The following UMAD1 variants were observed in gnomAD, a reference collection of about 807,000 sequenced individuals.
UMAD1 encodes the protein UBAP1-MVB12-associated (UMA) domain containing 1.
Under a neutral mutation model 6.1 loss-of-function variants are expected in UMAD1, and 8 were observed. The observed-to-expected ratio is 1.30, with a 90% CI of 0.76 to 2.35. The LOEUF (loss-of-function observed/expected upper bound fraction) is 2.35, where lower values mean the gene tolerates loss of function less well. UMAD1 is among the 30% of genes most tolerant of loss of function. The probability of loss-of-function intolerance (pLI) is 0.00; values close to 1 mark genes in which losing one functional copy is unlikely to be tolerated. For synonymous variants in UMAD1, 56 were observed against 31.4 expected (o/e 1.78, Z -2.61); for missense variants, 130 against 78.4 (o/e 1.66, Z -2.49).
intron 2 of UMAD1, among the ~76,000 whole-genome samples, chr7:7,714,059 C>A (rs949873267): frequency 6.6e-6 from 1 of 152,136 alleles, no homozygotes; most frequent in East Asian, 1.9e-4. Context: ...TTTAAGATTT[C>A]CAAAAATTGA....
intron 1 of UMAD1, among the ~76,000 whole-genome samples, chr7:7,653,330 G>A (rs1197774544): frequency 6.6e-6 from 1 of 152,144 alleles, no homozygotes; most frequent in African/African-American, 2.4e-5. Context: ...GACACTAAAG[G>A]CTGTAAATTG....
At chr7:7,867,448 A>G (rs543123382) in intron 3 of UMAD1, among the ~76,000 whole-genome samples, 1 of 152,332 alleles carries the variant, frequency 6.6e-6, no homozygotes, top group Non-Finnish European at 1.5e-5. Flanking sequence ...TGAGAAATAG[A>G]CAAAAAGAAT....
At chr7:7,745,404 C>T (rs1418193802) in intron 2 of UMAD1, among the ~76,000 whole-genome samples, 2 of 152,168 alleles carry the variant, frequency 1.3e-5, no homozygotes, top group African/African-American at 2.4e-5. Flanking sequence ...ACTCTGAACT[C>T]CTTACGGGGT....
chr7:7,675,599 C>T (rs955592959), intron 2 of UMAD1, among the ~76,000 whole-genome samples: 4 of 152,148 alleles, frequency 2.6e-5, no homozygotes, highest in South Asian at 4.1e-4. Flanking sequence ...TTCCAAATTT[C>T]GTATTTTAAG....
chr7:7,852,504 C>T (rs1489078287), intron 3 of UMAD1, among the ~76,000 whole-genome samples: 2 of 152,152 alleles, frequency 1.3e-5, no homozygotes, highest in African/African-American at 2.4e-5. Flanking sequence ...GTTGGGGTTC[C>T]CACAACCCTC....
chr7:7,740,455 T>A (rs577475938), intron 2 of UMAD1, among the ~76,000 whole-genome samples: 5 of 152,370 alleles, frequency 3.3e-5, no homozygotes, highest in South Asian at 4.1e-4. Context: ...ATGCTACTTT[T>A]TATGGTAAGA....
intron 2 of UMAD1, among the ~76,000 whole-genome samples, chr7:7,751,911 C>T (rs184593444): frequency 5.9e-5 from 9 of 152,288 alleles, no homozygotes; most frequent in Admixed American, 2.6e-4. Flanking sequence ...CATTTCCTCA[C>T]ACAGGATTGC....
intron 1 of UMAD1, among the ~76,000 whole-genome samples, chr7:7,671,389 C>T (rs1779601670): frequency 6.6e-6 from 1 of 152,162 alleles, no homozygotes; most frequent in Non-Finnish European, 1.5e-5. Flanking sequence ...ACCGTTTTAT[C>T]CCAAGAGAAA....
chr7:7,780,330 C>T (rs919729062), intron 2 of UMAD1, among the ~76,000 whole-genome samples: 1 of 152,208 alleles, frequency 6.6e-6, no homozygotes. Flanking sequence ...ACAGACTGTG[C>T]TCCCAGTGAC....
intron 2 of UMAD1, among the ~76,000 whole-genome samples, chr7:7,714,957 A>T (rs1780860175): frequency 6.6e-6 from 1 of 152,084 alleles, no homozygotes; most frequent in South Asian, 2.1e-4. Flanking sequence ...AACAACAACA[A>T]CAACAACAAA....
At chr7:7,850,365 A>G (rs1055067916) in intron 3 of UMAD1, among the ~76,000 whole-genome samples, 2 of 152,104 alleles carry the variant, frequency 1.3e-5, no homozygotes, top group African/African-American at 4.8e-5. Flanking sequence ...CATCCATTTA[A>G]AAAATACATG....
chr7:7,695,898 C>G (rs1780303080), intron 2 of UMAD1, among the ~76,000 whole-genome samples: 1 of 151,738 alleles, frequency 6.6e-6, no homozygotes, highest in South Asian at 2.1e-4. Context: ...AGTATCCAAC[C>G]ATGGCAGGAG....
chr7:7,694,310 A>G (rs1780253544), intron 2 of UMAD1, among the ~76,000 whole-genome samples: 3 of 152,198 alleles, frequency 2.0e-5, no homozygotes, highest in Non-Finnish European at 2.9e-5. Flanking sequence ...GCATACACAT[A>G]TAATAATCAC....
chr7:7,841,859 A>T (rs902185713), intron 3 of UMAD1, among the ~76,000 whole-genome samples: 1 of 152,144 alleles, frequency 6.6e-6, no homozygotes, highest in East Asian at 1.9e-4. Flanking sequence ...TTTGTTTCCA[A>T]TTGTCTTTGC....
intron 3 of UMAD1, among the ~76,000 whole-genome samples, chr7:7,856,764 A>G (rs1414295953): frequency 6.6e-6 from 1 of 152,232 alleles, no homozygotes; most frequent in Non-Finnish European, 1.5e-5. Flanking sequence ...CTAGGGGACA[A>G]TACAAAGCTC....
rs889965889 is a variant in UMAD1, at chr7:7,877,581, G to A, written c.*43G>A. 1.4e-5 allele frequency: 10 copies of A among 701,754 alleles called. No individual in the cohort carries two copies. Among genetic ancestry groups the A allele is most frequent in the East Asian group, 2.7e-5 (1 of 37,154 alleles). The allele number at this position is 701,754 out of a possible 1,614,324, so 43.5% of individuals were successfully genotyped here. A position where few individuals can be genotyped will look rare whatever the true frequency, so the allele number is the denominator to read the frequency against. On this transcript the variant is annotated 3_prime_UTR_variant, in exon 4 of 4. Transcript: ENST00000682710. ...ACCTTAACAGCTTTAAAATATGTTC[G>A]CCTATTTTATCTAACCTGTTTGATG... is the stretch of plus-strand genomic sequence containing the variant.
intron 2 of UMAD1, among the ~76,000 whole-genome samples, chr7:7,780,885 A>G (rs967428124): frequency 3.9e-5 from 6 of 152,182 alleles, no homozygotes; most frequent in Admixed American, 2.6e-4. Context: ...CCTATGTAAT[A>G]TTCCATTGTA....
At chr7:7,841,460 C>T (rs1365933215) in intron 3 of UMAD1, among the ~76,000 whole-genome samples, 2 of 151,884 alleles carry the variant, frequency 1.3e-5, no homozygotes, top group African/African-American at 2.4e-5. Flanking sequence ...CACACCTCCA[C>T]ACTCGGCTAA....
At chr7:7,652,316 C>T (rs1019904754) in intron 1 of UMAD1, among the ~76,000 whole-genome samples, 4 of 152,092 alleles carry the variant, frequency 2.6e-5, no homozygotes, top group Non-Finnish European at 5.9e-5. Context: ...TCATGCAGTT[C>T]GTGGAAGTTT....
Sources: allele counts gnomAD v4.1 joint callset (sites outside exome capture counted in the v4.1 genomes callset), GRCh38; gene constraint gnomAD v4.1.1; transcripts MANE v1.5; gene names NCBI Gene and HGNC (gene_info 2026-07-23, HGNC 2026-07-21).